RAB20: variants seen among roughly 807,000 people sequenced by gnomAD.
The protein encoded by RAB20 is RAB20, member RAS oncogene family.
Under a neutral mutation model 3.7 loss-of-function variants are expected in RAB20, and 2 were observed. That is an observed-to-expected ratio of 0.54 (90% CI 0.22 to 1.69). The LOEUF (loss-of-function observed/expected upper bound fraction) is 1.69, where lower values mean the gene tolerates loss of function less well. Ranked by LOEUF, RAB20 falls within the 40% of genes most tolerant of loss-of-function variation. RAB20 has a pLI of 0.19. For missense variants in RAB20, 276 were observed against 311.9 expected, an observed-to-expected ratio of 0.88 and a Z score of 0.87; for synonymous variants, 126 against 130.8, an observed-to-expected ratio of 0.96 and a Z score of 0.25.
rs114830124 is a variant in RAB20, at chr13:110,533,662, G to A, written c.173-9465C>T. ...GGATACTGCCACTGCACTCTAGCCC[G>A]GGCAGCAGAGCAAGACCCTATCTCA... On this transcript the variant is annotated intron_variant, in intron 1 of 1. Coordinates refer to ENST00000267328, the MANE Select transcript of RAB20 (RefSeq NM_017817.3). Among the ~76,000 whole-genome samples the A allele has an allele frequency of 8.8e-3, 1,340 of 152,298 alleles. 23 individuals carry two copies. Among genetic ancestry groups the A allele is most frequent in the African/African-American group, 0.031 (1,278 of 41,564 alleles).
chr13:110,558,406 A>G (rs1217931221), intron 1 of RAB20, among the ~76,000 whole-genome samples: 1 of 140,290 alleles, frequency 7.1e-6, no homozygotes, highest in African/African-American at 2.7e-5. Flanking sequence ...TTTTTGAGAC[A>G]GAGTCTTACT....
At chr13:110,549,466 T>C (rs78602436) in intron 1 of RAB20, among the ~76,000 whole-genome samples, 2,771 of 144,736 alleles carry the variant, frequency 0.019, 37 homozygotes, top group African/African-American at 0.03. Context: ...CAGCCATTGT[T>C]ACAATCTATT....
At chr13:110,552,389 A>T (rs1290909179) in intron 1 of RAB20, among the ~76,000 whole-genome samples, 27 of 147,998 alleles carry the variant, frequency 1.8e-4, no homozygotes, top group Non-Finnish European at 3.7e-4. Context: ...AAAAAAAAAA[A>T]AAAATTAAAA....
intron 1 of RAB20, among the ~76,000 whole-genome samples, chr13:110,535,642 C>G (rs925483766): frequency 6.6e-6 from 1 of 152,254 alleles, no homozygotes; most frequent in Admixed American, 6.5e-5. Flanking sequence ...CATTAAATGC[C>G]TGTGCAGTGA....
At chr13:110,556,246 C>T (rs1218657031) in intron 1 of RAB20, among the ~76,000 whole-genome samples, 1 of 152,194 alleles carries the variant, frequency 6.6e-6, no homozygotes, top group African/African-American at 2.4e-5. Context: ...GGATGGATCC[C>T]ACAAAATCAC....
rs422183 is a variant in RAB20, at chr13:110,536,230, T to G, written c.173-12033A>C. Among the ~76,000 whole-genome samples, 4 of 152,248 alleles carry G rather than the reference T, an allele frequency of 2.6e-5. No individual in the cohort carries two copies. The East Asian group carries it at 5.8e-4, about 22-fold the overall frequency. On this transcript the variant is annotated intron_variant, in intron 1 of 1. Transcript: ENST00000267328. ...GGAACAGCCTCTCCCTGGAGCCTCC[T>G]GAGGTGCACGGCCCTGCCGACGCCA...
intron 1 of RAB20, among the ~76,000 whole-genome samples, chr13:110,559,109 C>T (rs1885090178): frequency 6.6e-6 from 1 of 152,220 alleles, no homozygotes; most frequent in Admixed American, 6.5e-5. Context: ...GCTCCATCCA[C>T]TGCCTGCCTT....
intron 1 of RAB20, among the ~76,000 whole-genome samples, chr13:110,544,125 T>A (rs1290486547): frequency 6.6e-6 from 1 of 152,168 alleles, no homozygotes; most frequent in African/African-American, 2.4e-5. Flanking sequence ...GATATCCAGT[T>A]TCCCTGGTAC....
At chr13:110,536,930 TCCC>T (rs1385507557) in intron 1 of RAB20, among the ~76,000 whole-genome samples, 2 of 26,768 alleles carry the variant, frequency 7.5e-5, no homozygotes, top group African/African-American at 2.8e-4. Context: ...CCCTCCCCCC[TCCC>T]CCCACCCCAC....
chr13:110,525,758 G>A (rs551918373), intron 1 of RAB20, among the ~76,000 whole-genome samples: 6 of 152,306 alleles, frequency 3.9e-5, no homozygotes, highest in Admixed American at 2.0e-4. Context: ...GCTTTTCATC[G>A]TTGGACACAT....
chr13:110,538,678 A>G (rs1260379959), intron 1 of RAB20, among the ~76,000 whole-genome samples: 1 of 152,162 alleles, frequency 6.6e-6, no homozygotes, highest in Non-Finnish European at 1.5e-5. Flanking sequence ...CCAAAAGTCA[A>G]GCTATGCATC....
rs560124732 is a variant in RAB20, at chr13:110,559,493, C to T, written c.172+1855G>A. Among the ~76,000 whole-genome samples, 7 of 152,262 alleles carry T rather than the reference C, an allele frequency of 4.6e-5. No individual in the cohort carries two copies. The South Asian group carries it at 1.4e-3, about 32-fold the overall frequency. On this transcript the variant is annotated intron_variant, in intron 1 of 1. Coordinates refer to ENST00000267328, the MANE Select transcript of RAB20 (RefSeq NM_017817.3). The stretch of plus-strand genomic sequence containing the variant: ...AGTACCCGGTCAGGCCACAGGCCAC[C>T]GAGGAGGCAGGCAAGGGTGCCCTGT...
intron 1 of RAB20, among the ~76,000 whole-genome samples, chr13:110,539,604 G>A (rs1040819452): frequency 1.3e-5 from 2 of 149,154 alleles, no homozygotes; most frequent in Admixed American, 1.3e-4. Flanking sequence ...TTGTTGCCCA[G>A]GCTGGAGTGC....
At position 110,523,699 on chromosome 13, in the gene RAB20, G is replaced by A; in HGVS notation, c.671C>T (p.Pro224Leu). 1 of 1,614,158 alleles carries A rather than the reference G, an allele frequency of 6.2e-7. No homozygotes were observed. Among genetic ancestry groups the A allele is most frequent in the South Asian group, 1.1e-5 (1 of 91,082 alleles). ...ACACCCAGATCTGGTCCTCTTGGGT[G>A]GCTTATGACTGGATATATCCACTGT... is the stretch of plus-strand genomic sequence containing the variant. ...SHTVDISSHK[P>L]PKRTRSGCCA The change falls in exon 2 of 2, where the codon CCA becomes CTA. Residue 224 changes from proline to leucine, a missense_variant. By Grantham distance (98) the Pro-to-Leu change is moderately conservative (BLOSUM62 -3). Transcript: ENST00000267328.
chr13:110,549,228 T>G (rs942280636), intron 1 of RAB20, among the ~76,000 whole-genome samples: 1 of 152,264 alleles, frequency 6.6e-6, no homozygotes, highest in Admixed American at 6.5e-5. Flanking sequence ...AAGCTTAGCT[T>G]GGTCTGTGTT....
chr13:110,527,752 C>T (rs921469856), intron 1 of RAB20, among the ~76,000 whole-genome samples: 1 of 152,072 alleles, frequency 6.6e-6, no homozygotes, highest in African/African-American at 2.4e-5. Context: ...AGTCATTCTC[C>T]CACTACAGAA....
chr13:110,523,568 A>G lies in RAB20; in HGVS notation c.*97T>C. The G allele has an allele frequency of 1.3e-6, 2 of 1,512,230 alleles. No homozygotes were observed. 93.7% of individuals were successfully genotyped at this position (1,512,230 alleles called of 1,614,324 possible). A position where few individuals can be genotyped will look rare whatever the true frequency, so the allele number is the denominator to read the frequency against. ...TCTGCTGCGGGTGTCATTCTGGAAA[A>G]TAATTCCTTGCTGTTCCTTGCTCCT... On this transcript the variant is annotated 3_prime_UTR_variant, in exon 2 of 2. Coordinates refer to ENST00000267328, the MANE Select transcript of RAB20 (RefSeq NM_017817.3).
intron 1 of RAB20, among the ~76,000 whole-genome samples, chr13:110,549,130 G>A (rs183832029): frequency 6.6e-6 from 1 of 152,360 alleles, no homozygotes; most frequent in East Asian, 1.9e-4. Context: ...TTAGGCCAGA[G>A]GGAGGAAAGA....
In RAB20 at chr13:110,558,380, C is replaced by CTTTT. The variant is rs34187531; in HGVS notation, c.172+2964_172+2967dup. Among the ~76,000 whole-genome samples, 72 of 119,328 alleles carry CTTTT rather than the reference C, an allele frequency of 6.0e-4. 6 individuals carry two copies. Among genetic ancestry groups the CTTTT allele is most frequent in the Non-Finnish European group, 7.6e-4 (45 of 59,494 alleles). 78.3% of individuals were successfully genotyped at this position (119,328 alleles called of 152,430 possible). On this transcript the variant is annotated intron_variant, in intron 1 of 1. Coordinates refer to ENST00000267328, the MANE Select transcript of RAB20 (RefSeq NM_017817.3). Reference sequence around the variant, plus strand: ...CCACTTAACTTCTGCTGTCTTCCCACTTTTTTTTTTTTTTTTTTTTGAGAC... The same window carrying CTTTT: ...CCACTTAACTTCTGCTGTCTTCCCACTTTTTTTTTTTTTTTTTTTTTTTTGAGAC...
Sources: gnomAD v4.1 joint callset for allele counts (sites outside exome capture counted in the v4.1 genomes callset) on GRCh38, gnomAD v4.1.1 for gene constraint, MANE v1.5 for transcripts, NCBI Gene and HGNC (gene_info 2026-07-23, HGNC 2026-07-21) for gene names.